The following EPM2A variants were observed in gnomAD, a reference collection of about 807,000 sequenced individuals.
EPM2A encodes the protein EPM2A glucan phosphatase, laforin.
EPM2A carries 21 observed loss-of-function variants against 26.5 expected under a neutral mutation model. The observed-to-expected ratio is 0.79, with a 90% CI of 0.56 to 1.14. The LOEUF is 1.14. Among genes scored for constraint, EPM2A ranks in the 50% most tolerant of loss-of-function variants. EPM2A has a pLI of 0.00. For synonymous variants in EPM2A, 217 were observed against 177.6 expected (o/e 1.22, Z -1.76); for missense variants, 458 against 440.8 (o/e 1.04, Z -0.35).
chr6:145,518,332 A>C (rs1780157504), intron 2 of EPM2A, among the ~76,000 whole-genome samples: 1 of 152,106 alleles, frequency 6.6e-6, no homozygotes, highest in African/African-American at 2.4e-5. Context: ...TGGGCACCTT[A>C]ATTTGAGTCT....
At chr6:145,673,390 A>G (rs752694093) in intron 2 of EPM2A, among the ~76,000 whole-genome samples, 15 of 152,108 alleles carry the variant, frequency 9.9e-5, no homozygotes, top group Non-Finnish European at 1.8e-4. Flanking sequence ...TGCATTTCCA[A>G]CTGAGGTACC....
intron 3 of EPM2A, 68 bp downstream of exon 3, chr6:145,635,173 TATAG>T (rs1776550445): frequency 7.1e-6 from 11 of 1,552,682 alleles, no homozygotes; most frequent in East Asian, 2.2e-5. Flanking sequence ...GATATTAAAT[TATAG>T]ATAGACAGAC....
At chr6:145,475,733 A>C (rs1779534252) in intron 4 of EPM2A, among the ~76,000 whole-genome samples, 1 of 152,110 alleles carries the variant, frequency 6.6e-6, no homozygotes, top group South Asian at 2.1e-4. Flanking sequence ...AGGTTAAAAT[A>C]ATAAGTTATA....
chr6:145,486,238 CAGA>C (rs1779669769), intron 4 of EPM2A, among the ~76,000 whole-genome samples: 2 of 152,184 alleles, frequency 1.3e-5, no homozygotes, highest in Non-Finnish European at 2.9e-5. Context: ...AAGGTCACCC[CAGA>C]AGGACTCTTC....
intron 4 of EPM2A, among the ~76,000 whole-genome samples, chr6:145,476,019 C>A (rs1197069915): frequency 6.6e-6 from 1 of 151,806 alleles, no homozygotes; most frequent in African/African-American, 2.4e-5. Flanking sequence ...GCCATTGATA[C>A]AAGAAACATA....
intron 2 of EPM2A, among the ~76,000 whole-genome samples, chr6:145,598,627 A>T (rs1204462559): frequency 6.6e-6 from 1 of 152,040 alleles, no homozygotes; most frequent in South Asian, 2.1e-4. Flanking sequence ...CCAGTTGTCA[A>T]TTTTTTGCCT....
chr6:145,469,311 G>C (rs1779441006), intron 4 of EPM2A, among the ~76,000 whole-genome samples: 1 of 152,062 alleles, frequency 6.6e-6, no homozygotes, highest in South Asian at 2.1e-4. Context: ...CTTGACATGT[G>C]AGCATTATGG....
chr6:145,469,477 C>T (rs539756332), intron 4 of EPM2A, among the ~76,000 whole-genome samples: 1 of 152,088 alleles, frequency 6.6e-6, no homozygotes, highest in Non-Finnish European at 1.5e-5. Flanking sequence ...AATGAGATAT[C>T]ATCTCACTCC....
chr6:145,486,681 G>A (rs1266769391), intron 4 of EPM2A, among the ~76,000 whole-genome samples: 1 of 151,806 alleles, frequency 6.6e-6, no homozygotes, highest in African/African-American at 2.4e-5. Context: ...TTTTAAGATT[G>A]TACATATAAG....
intron 4 of EPM2A, among the ~76,000 whole-genome samples, chr6:145,408,380 G>A (rs1025776698): frequency 6.6e-6 from 1 of 152,146 alleles, no homozygotes; most frequent in African/African-American, 2.4e-5. Context: ...GTACAAGAAG[G>A]ATGAAGTTCA....
intron 2 of EPM2A, among the ~76,000 whole-genome samples, chr6:145,524,819 T>A (rs1308493374): frequency 6.6e-6 from 1 of 152,164 alleles, no homozygotes; most frequent in African/African-American, 2.4e-5. Context: ...TTGTTTTTTA[T>A]AATTTAGTCA....
intron 1 of EPM2A, among the ~76,000 whole-genome samples, chr6:145,693,946 A>G (rs1363098404): frequency 6.6e-6 from 1 of 151,958 alleles, no homozygotes; most frequent in Non-Finnish European, 1.5e-5. Context: ...CCACAGAAAT[A>G]AGAAACCCTA....
intron 4 of EPM2A, among the ~76,000 whole-genome samples, chr6:145,492,635 C>T (rs1779769702): frequency 6.6e-6 from 1 of 152,154 alleles, no homozygotes; most frequent in Non-Finnish European, 1.5e-5. Context: ...GAAAGTGGCT[C>T]TCAGAGGGAA....
chr6:145,465,046 C>A (rs1223471524), intron 4 of EPM2A, among the ~76,000 whole-genome samples: 1 of 150,946 alleles, frequency 6.6e-6, no homozygotes, highest in Non-Finnish European at 1.5e-5. Context: ...GGGAATTTCT[C>A]CTGGATAATA....
intron 2 of EPM2A, among the ~76,000 whole-genome samples, chr6:145,676,760 CA>C (rs1308476480): frequency 6.6e-6 from 1 of 152,142 alleles, no homozygotes; most frequent in African/African-American, 2.4e-5. Context: ...AGACCAATAA[CA>C]GGTTCTGAAA....
chr6:145,628,956 G>T, intron 3 of EPM2A: 1 of 152,430 alleles, frequency 6.6e-6, no homozygotes, highest in Non-Finnish European at 1.5e-5. Flanking sequence ...GGACCACAGT[G>T]TGGCTTGAAA....
intron 2 of EPM2A, among the ~76,000 whole-genome samples, chr6:145,556,932 T>A (rs1057212876): frequency 6.6e-6 from 1 of 152,086 alleles, no homozygotes; most frequent in Non-Finnish European, 1.5e-5. Context: ...TCATACACGA[T>A]CATGTAAAAA....
chr6:145,508,020 A>G (rs933771784), intron 2 of EPM2A, among the ~76,000 whole-genome samples: 2 of 152,158 alleles, frequency 1.3e-5, no homozygotes, highest in African/African-American at 4.8e-5. Flanking sequence ...AAGTGGCCCT[A>G]AGGGAGAGAG....
At chr6:145,705,800 A>G in intron 1 of EPM2A, 1 of 449,494 alleles carries the variant, frequency 2.2e-6, no homozygotes, top group East Asian at 7.0e-5. Context: ...TAACAAAGAT[A>G]TACTTCTTCA....
Sources: allele counts gnomAD v4.1 joint callset (sites outside exome capture counted in the v4.1 genomes callset), GRCh38; gene constraint gnomAD v4.1.1; transcripts MANE v1.5; gene names NCBI Gene and HGNC (gene_info 2026-07-23, HGNC 2026-07-21).